The following KIAA1217 variants were observed in gnomAD, a reference collection of about 807,000 sequenced individuals.
KIAA1217 encodes sickle tail protein homolog.
In KIAA1217, 88 loss-of-function variants were observed where a neutral mutation model predicts 163.9. The ratio of observed to expected loss-of-function variants is 0.54; its 90% CI spans 0.45 to 0.64. The LOEUF is 0.64. Among genes scored for constraint, KIAA1217 ranks in the 30% least tolerant of loss-of-function variants. The probability of loss-of-function intolerance (pLI) is 0.00; values close to 1 mark genes in which losing one functional copy is unlikely to be tolerated. For missense variants in KIAA1217, 2,372 were observed against 2,475.0 expected (o/e 0.96, Z 0.88); for synonymous variants, 903 against 923.1 (o/e 0.98, Z 0.39).
intron 3 of KIAA1217, among the ~76,000 whole-genome samples, chr10:24,414,652 G>A (rs1356588238): frequency 1.3e-5 from 2 of 152,212 alleles, no homozygotes; most frequent in Non-Finnish European, 2.9e-5. Context: ...TTTACAGGTG[G>A]TGATGGGAAG....
At chr10:24,378,760 G>C (rs988932418) in intron 2 of KIAA1217, among the ~76,000 whole-genome samples, 1 of 152,118 alleles carries the variant, frequency 6.6e-6, no homozygotes, top group Non-Finnish European at 1.5e-5. Context: ...AGGGTACTGC[G>C]TGTGAGGAGA....
At chr10:23,973,951 C>A (rs1417038269) in intron 1 of KIAA1217, among the ~76,000 whole-genome samples, 2 of 152,106 alleles carry the variant, frequency 1.3e-5, no homozygotes, top group East Asian at 3.8e-4. Flanking sequence ...AACCAAATAG[C>A]CCCCAAATAC....
intron 2 of KIAA1217, among the ~76,000 whole-genome samples, chr10:24,065,698 G>T (rs1018502503): frequency 6.6e-6 from 1 of 152,144 alleles, no homozygotes; most frequent in Non-Finnish European, 1.5e-5. Flanking sequence ...GGATACCCTT[G>T]TTAACTTTCT....
chr10:23,899,031 A>G (rs1399561757), intron 1 of KIAA1217, among the ~76,000 whole-genome samples: 1 of 152,054 alleles, frequency 6.6e-6, no homozygotes, highest in African/African-American at 2.4e-5. Context: ...TCATACCACT[A>G]TTTCATAACT....
rs1043006316 is a variant in KIAA1217 at position 24,247,539 on chromosome 10, G to A, written c.354+27630G>A. 3.9e-5 allele frequency among the ~76,000 whole-genome samples: 6 copies of A among 152,210 alleles called. No homozygotes were observed. The South Asian group carries it at 1.0e-3, about 26-fold the overall frequency. On this transcript the variant is annotated intron_variant, in intron 2 of 20. Transcript: ENST00000376454. ...AGGCTGGGCGTGGTGGCTCACGCTT[G>A]TAATCCCAGCACTTTGGGAGGCCAA...
intron 2 of KIAA1217, among the ~76,000 whole-genome samples, chr10:24,258,395 T>C (rs2131650226): frequency 6.6e-6 from 1 of 152,088 alleles, no homozygotes; most frequent in Middle Eastern, 3.4e-3. Context: ...CTGAGGCTAA[T>C]AGTTGGAGGA....
intron 6 of KIAA1217, among the ~76,000 whole-genome samples, chr10:24,487,851 C>G (rs911711196): frequency 3.9e-5 from 6 of 152,124 alleles, no homozygotes; most frequent in African/African-American, 1.2e-4. Context: ...GCACAAGGGG[C>G]CTTTTCTTCT....
intron 1 of KIAA1217, among the ~76,000 whole-genome samples, chr10:23,931,746 G>A (rs917651128): frequency 1.3e-5 from 2 of 152,114 alleles, no homozygotes; most frequent in Admixed American, 1.3e-4. Context: ...TTTAATATAT[G>A]GCAGATATGC....
intron 2 of KIAA1217, among the ~76,000 whole-genome samples, chr10:24,329,391 T>C (rs1013328883): frequency 3.9e-5 from 6 of 152,054 alleles, no homozygotes; most frequent in African/African-American, 1.4e-4. Flanking sequence ...TATTTGCTTA[T>C]ACTTAATTAA....
intron 1 of KIAA1217, among the ~76,000 whole-genome samples, chr10:23,917,898 G>T (rs1842689402): frequency 6.6e-6 from 1 of 152,198 alleles, no homozygotes. Context: ...GGGTTTGTGG[G>T]ATGTATTATG....
At chr10:23,972,134 G>C (rs1845340091) in intron 1 of KIAA1217, among the ~76,000 whole-genome samples, 1 of 152,090 alleles carries the variant, frequency 6.6e-6, no homozygotes. Flanking sequence ...GCTGTGTCAT[G>C]GGCCATTGGT....
At chr10:24,143,493 C>G (rs779760138) in intron 2 of KIAA1217, among the ~76,000 whole-genome samples, 1 of 152,022 alleles carries the variant, frequency 6.6e-6, no homozygotes, top group Non-Finnish European at 1.5e-5. Flanking sequence ...GAACTCCTGA[C>G]CTCAGGTGAT....
At chr10:24,233,179 T>A (rs1243616230) in intron 2 of KIAA1217, among the ~76,000 whole-genome samples, 1 of 152,052 alleles carries the variant, frequency 6.6e-6, no homozygotes, top group Non-Finnish European at 1.5e-5. Flanking sequence ...TGCCCTCTCT[T>A]AGTCCATTTG....
At chr10:24,283,655 C>T (rs1242906087) in intron 2 of KIAA1217, among the ~76,000 whole-genome samples, 2 of 152,040 alleles carry the variant, frequency 1.3e-5, no homozygotes, top group Non-Finnish European at 2.9e-5. Flanking sequence ...AACAAAGCGA[C>T]ACTCCATCTC....
chr10:24,039,445 TGGG>T (rs1458479643), intron 2 of KIAA1217, among the ~76,000 whole-genome samples: 10 of 152,254 alleles, frequency 6.6e-5, no homozygotes, highest in Non-Finnish European at 1.3e-4. Flanking sequence ...CTCGATATGC[TGGG>T]CAGCAGCAGT....
chr10:24,352,342 G>A (rs1265364167), intron 2 of KIAA1217, among the ~76,000 whole-genome samples: 1 of 152,158 alleles, frequency 6.6e-6, no homozygotes, highest in Non-Finnish European at 1.5e-5. Flanking sequence ...GAATAATCGT[G>A]AATATTTTTG....
At chr10:23,872,815 A>G (rs1336748728) in intron 1 of KIAA1217, among the ~76,000 whole-genome samples, 4 of 152,052 alleles carry the variant, frequency 2.6e-5, no homozygotes, top group Admixed American at 2.0e-4. Context: ...TAATTTTTAG[A>G]ATAGGAATGG....
At chr10:23,982,378 T>G (rs1490832855) in intron 1 of KIAA1217, among the ~76,000 whole-genome samples, 2 of 152,138 alleles carry the variant, frequency 1.3e-5, no homozygotes, top group Admixed American at 1.3e-4. Context: ...GATGATTCCC[T>G]GGACAGCAGT....
At chr10:24,323,268 C>T (rs2044412901) in intron 2 of KIAA1217, among the ~76,000 whole-genome samples, 1 of 152,080 alleles carries the variant, frequency 6.6e-6, no homozygotes, top group Non-Finnish European at 1.5e-5. Context: ...TCTTCAAGGG[C>T]CTGGACTTGT....
Sources: gnomAD v4.1 joint callset for allele counts (sites outside exome capture counted in the v4.1 genomes callset) on GRCh38, gnomAD v4.1.1 for gene constraint, MANE v1.5 for transcripts, NCBI Gene and HGNC (gene_info 2026-07-23, HGNC 2026-07-21) for gene names.